The following PSG7 variants were observed in gnomAD, a reference collection of about 807,000 sequenced individuals.
PSG7 encodes pregnancy specific beta-1-glycoprotein 7, also known as pregnancy-specific beta-1-glycoprotein 7.
In PSG7, 57 loss-of-function variants were observed where a neutral mutation model predicts 45.6. The ratio of observed to expected loss-of-function variants is 1.25; its 90% confidence interval spans 1.01 to 1.56. PSG7 has a LOEUF of 1.56. Among genes scored for constraint, PSG7 ranks in the 40% most tolerant of loss-of-function variants. PSG7 has a pLI of 0.00. For missense variants in PSG7, 796 were observed against 508.4 expected, an observed-to-expected ratio of 1.57 and a Z score of -5.44; for synonymous variants, 298 against 194.4, an observed-to-expected ratio of 1.53 and a Z score of -4.43.
At chr19:42,936,468 A>G (rs1315215518) in intron 1 of PSG7, 1 of 155,766 alleles carries the variant, frequency 6.4e-6, no homozygotes, top group Non-Finnish European at 1.4e-5. Context: ...TATAGTTATT[A>G]TTTTCATTTT....
In PSG7 at chr19:42,935,255, G is replaced by T. The variant is rs577492431; in HGVS notation, c.430+149C>A. The T allele has an allele frequency of 6.9e-4, 986 of 1,426,726 alleles. 24 individuals are homozygous for T. The highest frequency in any genetic ancestry group is 4.1e-3 in the South Asian group (338 of 82,620). The allele number at this position is 1,426,726 out of a possible 1,614,324, so 88.4% of individuals were successfully genotyped here. ...TGATCTGTTGAAATTTGTCTCCTCT[G>T]TGTGTTTCCTGCAATAAATGCCCAA... On this transcript the variant is annotated intron_variant, in intron 2 of 5. Transcript: ENST00000406070.
chr19:42,934,222 G>T (rs1337094405), intron 2 of PSG7, among the ~76,000 whole-genome samples: 4 of 151,280 alleles, frequency 2.6e-5, no homozygotes, highest in Non-Finnish European at 5.9e-5. Flanking sequence ...CATTTTTTTT[G>T]CACTGACTCT....
At position 42,937,116 on chromosome 19, in the gene PSG7, C is replaced by T. The variant is rs1384616188; in HGVS notation, c.-40G>A. 1 of 1,600,506 alleles carries T rather than the reference C, an allele frequency of 6.2e-7. No individual in the cohort carries two copies. ...GCGTGTTCTCCTCTGTGGAGATGAG[C>T]CTAGGATCCAGAATCTTCCTGAGCA... On this transcript the variant is annotated 5_prime_UTR_variant, in exon 1 of 6. Coordinates refer to ENST00000406070, the MANE Select transcript of PSG7 (RefSeq NM_002783.3).
At position 42,929,565 on chromosome 19, in the gene PSG7, A is replaced by G. The variant is rs763943548; in HGVS notation, c.586T>C (p.Ser196Pro). 1.2e-6 allele frequency: 2 copies of G among 1,612,602 alleles called. No homozygotes were observed. Among genetic ancestry groups the G allele is most frequent in the Admixed American group, 3.3e-5 (2 of 59,894 alleles). ...AGGTAGAGGGTCCTGTTGGTTTCAG[A>G]CAGCTGCAAGCTGTGAGTCATAGGG... ...SLPMTHSLQL[S>P]ETNRTLYLFG... The change falls in exon 3 of 6, where the codon TCT (serine) becomes CCT (proline). Residue 196 changes from serine to proline, a missense_variant. Ser to Pro is a moderately conservative substitution (Grantham distance 74). Coordinates refer to ENST00000406070, the MANE Select transcript of PSG7 (RefSeq NM_002783.3).
intron 2 of PSG7, among the ~76,000 whole-genome samples, chr19:42,931,788 G>A (rs1046312950): frequency 6.6e-6 from 1 of 151,444 alleles, no homozygotes; most frequent in African/African-American, 2.4e-5. Flanking sequence ...TTCCCATTAA[G>A]GGTATGTTAC....
At chr19:42,931,802 C>A (rs1202658546) in intron 2 of PSG7, among the ~76,000 whole-genome samples, 2 of 151,486 alleles carry the variant, frequency 1.3e-5, no homozygotes, top group Non-Finnish European at 2.9e-5. Context: ...ATGTTACAGC[C>A]TTTGTAGTTG....
chr19:42,932,766 T>C (rs1385789467), intron 2 of PSG7, among the ~76,000 whole-genome samples: 1 of 151,500 alleles, frequency 6.6e-6, no homozygotes, highest in East Asian at 1.9e-4. Flanking sequence ...GGGACTGCCT[T>C]GGTAAAACTA....
Position 42,929,569 on chromosome 19 carries a change from C to T in PSG7, c.582G>A (p.Gln194=). The T allele has an allele frequency of 2.5e-6, 4 of 1,612,616 alleles. No homozygotes were observed. Among genetic ancestry groups the T allele is most frequent in the Non-Finnish European group, 3.4e-6 (4 of 1,179,238 alleles). ...GQSLPMTHSL[Q]LSETNRTLYL... ...AGAGGGTCCTGTTGGTTTCAGACAG[C>T]TGCAAGCTGTGAGTCATAGGGAGGC... Residue 194 remains glutamine (Q), a synonymous_variant, in exon 3 of 6, where the codon CAG becomes CAA. Transcript: ENST00000406070.
At chr19:42,934,440 C>T (rs909292238) in intron 2 of PSG7, among the ~76,000 whole-genome samples, 1 of 151,444 alleles carries the variant, frequency 6.6e-6, no homozygotes, top group African/African-American at 2.4e-5. Context: ...CCTGATCTCC[C>T]CTTTGTGTTT....
chr19:42,930,525 G>A (rs767767763), intron 2 of PSG7, among the ~76,000 whole-genome samples: 1 of 151,714 alleles, frequency 6.6e-6, no homozygotes, highest in Non-Finnish European at 1.5e-5. Flanking sequence ...ACATGTTGAT[G>A]TTTGCAAATA....
chr19:42,931,735 G>A (rs979189307), intron 2 of PSG7, among the ~76,000 whole-genome samples: 10 of 151,356 alleles, frequency 6.6e-5, no homozygotes, highest in South Asian at 2.1e-4. Flanking sequence ...CCATGAGATA[G>A]CACCTACCTG....
chr19:42,930,082 TTC>T, intron 2 of PSG7, among the ~76,000 whole-genome samples: 1 of 151,774 alleles, frequency 6.6e-6, no homozygotes, highest in Admixed American at 6.6e-5. Flanking sequence ...TGCTGGAATC[TTC>T]TTAGTTTCAA....
chr19:42,925,929 G>A lies in PSG7; in HGVS notation c.1087C>T (p.Gln363Ter), dbSNP rs751735611. 2 of 1,612,216 alleles carry A rather than the reference G, an allele frequency of 1.2e-6. No individual in the cohort carries two copies. Among genetic ancestry groups the A allele is most frequent in the South Asian group, 2.2e-5 (2 of 90,634 alleles). The change falls in exon 5 of 6, where the codon CAG (glutamine) becomes TAG (stop). Residue 363 changes from glutamine to a stop codon, truncating the protein, a stop_gained. Coordinates refer to ENST00000406070, the MANE Select transcript of PSG7 (RefSeq NM_002783.3). LOFTEE classifies it high-confidence loss of function. ...SCFADSNPPAQYSWTINGKFQ... is the reference protein window; with the variant it reads ...SCFADSNPPA ...TTCCCATTAATTGTCCAAGAATACT[G>A]TGCCGGTGGGTTAGAGTCCGCAAAG...
chr19:42,935,686 C>T lies in PSG7; in HGVS notation c.148G>A (p.Asp50Asn), dbSNP rs549369260. 1.2e-6 allele frequency: 2 copies of T among 1,611,976 alleles called. No individual in the cohort carries two copies. The highest frequency in any genetic ancestry group is 2.2e-5 in the South Asian group (2 of 90,788). Residue 50 changes from aspartate to asparagine, a missense_variant, in exon 2 of 6, where the codon GAT (aspartate) becomes AAT (asparagine). Transcript: ENST00000406070. ...AAATTGTGGACAAGTAGAAGAACAT[C>T]CTTCCCCTCGGAAACTTTTGGTGGC... Reference protein sequence around the residue: ...AQPPKVSEGKDVLLLVHNLPQ... With the variant: ...AQPPKVSEGKNVLLLVHNLPQ...
chr19:42,936,954 A>T (rs1487727187), intron 1 of PSG7, 59 bp downstream of exon 1: 13 of 1,597,640 alleles, frequency 8.1e-6, no homozygotes, highest in Middle Eastern at 3.5e-4. Context: ...TCTCTAGGAG[A>T]CCCCATCCAG....
rs937668868 is a variant in PSG7 at position 42,935,314 on chromosome 19, C to G, written c.430+90G>C. 113 of 1,532,520 alleles carry G rather than the reference C, an allele frequency of 7.4e-5. 3 individuals are homozygous for G. The highest frequency in any genetic ancestry group is 9.4e-5 in the Non-Finnish European group (105 of 1,120,392). 94.9% of individuals were successfully genotyped at this position (1,532,520 alleles called of 1,614,324 possible). On this transcript the variant is annotated intron_variant, in intron 2 of 5. Transcript: ENST00000406070. ...ATGGGACATAATGCAGAGAGGGACA[C>G]AGGCACAGTCCAGGCCTGACAATTC... is the stretch of plus-strand genomic sequence containing the variant.
chr19:42,926,512 G>A lies in PSG7; in HGVS notation c.914C>T (p.Thr305Ile), dbSNP rs1199527916. 3.7e-6 allele frequency: 6 copies of A among 1,611,226 alleles called. No individual in the cohort carries two copies. The South Asian group carries it at 6.6e-5, about 18-fold the overall frequency. The change falls in exon 4 of 6, where the codon ACA (threonine) becomes ATA (isoleucine). Residue 305 changes from threonine to isoleucine, a missense_variant. Transcript: ENST00000406070. The stretch of plus-strand genomic sequence containing the variant: ...CCGTATTTCACATTGATAGGGTCCT[G>A]TTTCATTTCTCGTGACACTGGGTAG... ...LILPSVTRNE[T>I]GPYQCEIRDR...
rs188664466 is a variant in PSG7, at chr19:42,925,859, G to C, written c.1157C>G (p.Thr386Arg). The stretch of plus-strand genomic sequence containing the variant: ...GCAAGCATAGAGCCCGCTATGCTTT[G>C]TAGTAATCTGGGGGATAGAAAGCTT... ...GQKLSIPQIT[T>R]KHSGLYACSV... The change falls in exon 5 of 6, where the codon ACA becomes AGA. Residue 386 changes from threonine (T) to arginine (R), a missense_variant. Transcript: ENST00000406070. The C allele has an allele frequency of 4.3e-5, 70 of 1,612,072 alleles. 3 individuals carry two copies. In the East Asian group the frequency reaches 8.0e-4, roughly 19 times the overall value.
At position 42,933,333 on chromosome 19, in the gene PSG7, T is replaced by C. The variant is rs181019085; in HGVS notation, c.430+2071A>G. On this transcript the variant is annotated intron_variant, in intron 2 of 5. Coordinates refer to ENST00000406070, the MANE Select transcript of PSG7 (RefSeq NM_002783.3). ...TTTTTTTTTTTTTTTGGTGTATGTA[T>C]GTGTGCAGGAGGCCAGAAGAACTTG... 1.7e-3 allele frequency among the ~76,000 whole-genome samples: 196 copies of C among 115,936 alleles called. 2 individuals carry two copies. Among genetic ancestry groups the C allele is most frequent in the Non-Finnish European group, 3.0e-3 (166 of 55,354 alleles). The allele number at this position is 115,936 out of a possible 152,430, so 76.1% of individuals were successfully genotyped here. A position where few individuals can be genotyped will look rare whatever the true frequency, so the allele number is the denominator to read the frequency against.
Sources: gnomAD v4.1 joint callset for allele counts (sites outside exome capture counted in the v4.1 genomes callset) on GRCh38, gnomAD v4.1.1 for gene constraint, MANE v1.5 for transcripts, NCBI Gene and HGNC (gene_info 2026-07-23, HGNC 2026-07-21) for gene names.